Variants in PCDH9 observed in about 807,000 individuals in gnomAD.
PCDH9 encodes protocadherin 9.
In PCDH9, 24 loss-of-function variants were observed where a neutral mutation model predicts 70.6. That is an observed-to-expected ratio of 0.34 (90% CI 0.25 to 0.48). The LOEUF (loss-of-function observed/expected upper bound fraction) is 0.48. Ranked by LOEUF, PCDH9 falls within the 20% of genes least tolerant of loss-of-function variation. The pLI, the probability that PCDH9 is intolerant of heterozygous loss-of-function variation, is 0.99. For missense variants in PCDH9, 1,281 were observed against 1,503.6 expected (o/e 0.85, Z 2.45); for synonymous variants, 562 against 558.5 (o/e 1.01, Z -0.09).
chr13:66,591,794 T>G (rs2077042332), intron 4 of PCDH9, among the ~76,000 whole-genome samples: 1 of 151,506 alleles, frequency 6.6e-6, no homozygotes. Context: ...ATATAAAGTG[T>G]TGCAGGTTGG....
intron 4 of PCDH9, among the ~76,000 whole-genome samples, chr13:66,418,188 G>A (rs1411167037): frequency 6.6e-6 from 1 of 152,116 alleles, no homozygotes; most frequent in East Asian, 1.9e-4. Flanking sequence ...TTTGTATAAG[G>A]TCTAAGGAAG....
chr13:67,048,999 G>A lies in PCDH9; in HGVS notation c.3037-145394C>T, dbSNP rs150637795. 1.7e-3 allele frequency among the ~76,000 whole-genome samples: 255 copies of A among 152,300 alleles called. 1 individual carries two copies. Among genetic ancestry groups the A allele is most frequent in the African/African-American group, 5.8e-3 (242 of 41,568 alleles). The stretch of plus-strand genomic sequence containing the variant: ...GAAAGCCTTGGGAGACCAAAAATCT[G>A]AGTCACCCTTGAAAGGCAAATTACT... On this transcript the variant is annotated intron_variant, in intron 2 of 4. Transcript: ENST00000377865.
At chr13:66,861,611 C>T (rs1238312100) in intron 3 of PCDH9, among the ~76,000 whole-genome samples, 10 of 152,092 alleles carry the variant, frequency 6.6e-5, no homozygotes, top group Admixed American at 6.6e-4. Flanking sequence ...ATAACGTAGT[C>T]AATAAAGTCT....
intron 4 of PCDH9, among the ~76,000 whole-genome samples, chr13:66,630,221 G>T (rs2077552415): frequency 6.6e-6 from 1 of 151,654 alleles, no homozygotes; most frequent in African/African-American, 2.4e-5. Context: ...TTACTTCTTA[G>T]AGCAGTTTTA....
chr13:66,886,594 C>T (rs753812904), intron 3 of PCDH9, among the ~76,000 whole-genome samples: 2 of 152,128 alleles, frequency 1.3e-5, no homozygotes, highest in Admixed American at 6.5e-5. Context: ...TTTCTTCCTT[C>T]CAGCTCGAAA....
At chr13:66,787,910 T>A (rs1219838675) in intron 3 of PCDH9, among the ~76,000 whole-genome samples, 3 of 152,130 alleles carry the variant, frequency 2.0e-5, no homozygotes, top group Non-Finnish European at 4.4e-5. Flanking sequence ...AGAGGAGAGT[T>A]CTCCAAAGAT....
chr13:67,164,549 G>C (rs2088054065), intron 2 of PCDH9, among the ~76,000 whole-genome samples: 1 of 147,122 alleles, frequency 6.8e-6, no homozygotes, highest in Non-Finnish European at 1.5e-5. Context: ...ACTCCAGCTT[G>C]TGTGACAGAG....
chr13:66,467,662 C>T (rs1958541728), intron 4 of PCDH9, among the ~76,000 whole-genome samples: 1 of 151,970 alleles, frequency 6.6e-6, no homozygotes, highest in Non-Finnish European at 1.5e-5. Context: ...GCAATTATCC[C>T]ACAGTCCAGT....
At chr13:66,824,886 T>A (rs1420360310) in intron 3 of PCDH9, among the ~76,000 whole-genome samples, 1 of 151,594 alleles carries the variant, frequency 6.6e-6, no homozygotes, top group Non-Finnish European at 1.5e-5. Context: ...AAAGACTCTA[T>A]CCTCATAACA....
At chr13:66,559,863 C>CAT (rs1593676366) in intron 4 of PCDH9, among the ~76,000 whole-genome samples, 1 of 146,996 alleles carries the variant, frequency 6.8e-6, no homozygotes, top group African/African-American at 2.5e-5. Context: ...CACACACACA[C>CAT]GGATCAGGAT....
intron 2 of PCDH9, among the ~76,000 whole-genome samples, chr13:66,905,899 A>AT (rs1156732258): frequency 2.0e-5 from 3 of 152,110 alleles, no homozygotes; most frequent in African/African-American, 7.2e-5. Flanking sequence ...TGTTCACTCT[A>AT]TTTTGGGCAA....
Position 66,563,855 on chromosome 13 carries a change from A to ACATAT in PCDH9, c.3340+67350_3340+67354dup, listed in dbSNP as rs149086519. Among the ~76,000 whole-genome samples, 100 of 152,242 alleles carry ACATAT rather than the reference A, an allele frequency of 6.6e-4. No homozygotes were observed. In the East Asian group the frequency reaches 0.014, roughly 22 times the overall value. ...TAATGCCCACCCCCTCTGTTTTGAAACATATTACCCAGTTTTATTTTCATC... is the reference window on the plus strand; with the variant it reads ...TAATGCCCACCCCCTCTGTTTTGAAACATATCATATTACCCAGTTTTATTTTCATC... On this transcript the variant is annotated intron_variant, in intron 4 of 4. Coordinates refer to ENST00000377865, the MANE Select transcript of PCDH9 (RefSeq NM_203487.3).
chr13:66,386,142 C>T (rs927148494), intron 4 of PCDH9, among the ~76,000 whole-genome samples: 1 of 152,092 alleles, frequency 6.6e-6, no homozygotes, highest in African/African-American at 2.4e-5. Flanking sequence ...TAGTTCAAAA[C>T]AGTACTGTGT....
chr13:66,959,983 A>C (rs901221491), intron 2 of PCDH9, among the ~76,000 whole-genome samples: 1 of 152,160 alleles, frequency 6.6e-6, no homozygotes, highest in East Asian at 1.9e-4. Context: ...ATTCTAAAAC[A>C]GCATCTAACA....
At chr13:67,223,711 C>T (rs1403986685) in intron 2 of PCDH9, 1 of 151,996 alleles carries the variant, frequency 6.6e-6, no homozygotes. Flanking sequence ...AAAGTTAACA[C>T]AAAAATTAAG....
intron 4 of PCDH9, among the ~76,000 whole-genome samples, chr13:66,455,691 G>T (rs1041413172): frequency 3.3e-5 from 5 of 152,076 alleles, no homozygotes; most frequent in African/African-American, 1.2e-4. Context: ...GATGCTGAAA[G>T]ATAGTTTCTC....
chr13:67,127,106 A>G (rs1398676584), intron 2 of PCDH9, among the ~76,000 whole-genome samples: 1 of 152,174 alleles, frequency 6.6e-6, no homozygotes, highest in Non-Finnish European at 1.5e-5. Flanking sequence ...GTATTTTTGC[A>G]TTATACAAAG....
At chr13:66,537,702 A>G (rs1396127993) in intron 4 of PCDH9, among the ~76,000 whole-genome samples, 2 of 152,140 alleles carry the variant, frequency 1.3e-5, no homozygotes, top group East Asian at 3.9e-4. Flanking sequence ...GTAAAGATTA[A>G]CACAGAAGTC....
intron 3 of PCDH9, among the ~76,000 whole-genome samples, chr13:66,743,493 AT>A (rs1266592767): frequency 9.7e-5 from 12 of 123,722 alleles, no homozygotes; most frequent in South Asian, 2.9e-4. Context: ...TTAAAGTATA[AT>A]AAAAAAAAAA....
Sources: gnomAD v4.1 joint callset for allele counts (sites outside exome capture counted in the v4.1 genomes callset) on GRCh38, gnomAD v4.1.1 for gene constraint, MANE v1.5 for transcripts, NCBI Gene and HGNC (gene_info 2026-07-23, HGNC 2026-07-21) for gene names.